Variants in EPHB1 observed in about 807,000 individuals in gnomAD.
EPHB1 encodes the protein EPH receptor B1.
Under a neutral mutation model 94.4 loss-of-function variants are expected in EPHB1, and 30 were observed. The observed-to-expected ratio is 0.32, with a 90% CI of 0.24 to 0.43. The LOEUF is 0.43. EPHB1 is among the 20% of genes least tolerant of loss of function. The pLI, the probability that EPHB1 is intolerant of heterozygous loss-of-function variation, is 1.00. For synonymous variants in EPHB1, 522 were observed against 489.1 expected, an observed-to-expected ratio of 1.07 and a Z score of -0.89; for missense variants, 1,055 against 1,308.3, an observed-to-expected ratio of 0.81 and a Z score of 2.99.
At chr3:135,253,403 A>G (rs1933217501) in intron 15 of EPHB1, among the ~76,000 whole-genome samples, 1 of 148,480 alleles carries the variant, frequency 6.7e-6, no homozygotes, top group South Asian at 2.1e-4. Context: ...GGTGTAAGGA[A>G]GGGATCCAGT....
intron 3 of EPHB1, among the ~76,000 whole-genome samples, chr3:135,066,650 T>C (rs1937584253): frequency 6.6e-6 from 1 of 152,228 alleles, no homozygotes; most frequent in African/African-American, 2.4e-5. Flanking sequence ...CTTTCTCTGG[T>C]GCCTCTTGGA....
chr3:135,158,370 A>G (rs1250221878), intron 6 of EPHB1, among the ~76,000 whole-genome samples: 1 of 152,206 alleles, frequency 6.6e-6, no homozygotes, highest in African/African-American at 2.4e-5. Flanking sequence ...CTTACGGGCC[A>G]TATGGTTTTT....
intron 12 of EPHB1, among the ~76,000 whole-genome samples, chr3:135,209,844 G>T (rs912099965): frequency 6.6e-6 from 1 of 152,180 alleles, no homozygotes; most frequent in Non-Finnish European, 1.5e-5. Context: ...AGAGGCACTA[G>T]TAGAGACAGG....
At chr3:135,060,570 A>C (rs1266436113) in intron 3 of EPHB1, among the ~76,000 whole-genome samples, 1 of 152,200 alleles carries the variant, frequency 6.6e-6, no homozygotes, top group Non-Finnish European at 1.5e-5. Context: ...GTCACATGTG[A>C]ACTCAATGTT....
chr3:134,830,927 C>G (rs902361295), intron 1 of EPHB1, among the ~76,000 whole-genome samples: 1 of 152,162 alleles, frequency 6.6e-6, no homozygotes, highest in Admixed American at 6.5e-5. Context: ...AAGTGGAAAC[C>G]TCAGCAAGGG....
At chr3:134,933,734 T>C (rs36168) in intron 2 of EPHB1, among the ~76,000 whole-genome samples, 83,196 of 152,018 alleles carry the variant, frequency 0.55, 24,641 homozygotes, top group African/African-American at 0.77. Context: ...GCTGGCTCTC[T>C]TGCCAACAAT....
chr3:134,915,295 C>G (rs1055356151), intron 1 of EPHB1, among the ~76,000 whole-genome samples: 2 of 152,168 alleles, frequency 1.3e-5, no homozygotes, highest in African/African-American at 4.8e-5. Flanking sequence ...ATGACGGACC[C>G]CTCATCCAAT....
In EPHB1 at chr3:134,994,986, TTGTGTGTGTG is replaced by T. The variant is rs57873051; in HGVS notation, c.805+42954_805+42963del. The stretch of plus-strand genomic sequence containing the variant: ...CAGATATCACCAGTTTTACATACAC[TTGTGTGTGTG>T]TGTGTGTGTGTGTGTGTGTATTTAG... On this transcript the variant is annotated intron_variant, in intron 3 of 15. Coordinates refer to ENST00000398015, the MANE Select transcript of EPHB1 (RefSeq NM_004441.5). 4.0e-5 allele frequency among the ~76,000 whole-genome samples: 6 copies of T among 148,380 alleles called. No individual in the cohort carries two copies. The South Asian group carries it at 6.5e-4, about 16-fold the overall frequency.
intron 13 of EPHB1, among the ~76,000 whole-genome samples, chr3:135,243,863 G>C (rs1246039147): frequency 6.6e-6 from 1 of 152,176 alleles, no homozygotes; most frequent in African/African-American, 2.4e-5. Flanking sequence ...GATAATGAGA[G>C]TGGCAGTGTC....
intron 2 of EPHB1, among the ~76,000 whole-genome samples, chr3:134,946,374 C>G (rs1046871157): frequency 2.0e-5 from 3 of 152,232 alleles, no homozygotes; most frequent in Non-Finnish European, 4.4e-5. Context: ...CCACCCCCAG[C>G]TTCTTATGGC....
intron 3 of EPHB1, among the ~76,000 whole-genome samples, chr3:135,008,605 CT>C (rs1409261058): frequency 6.6e-6 from 1 of 152,198 alleles, no homozygotes; most frequent in Non-Finnish European, 1.5e-5. Context: ...CCAGCAGTCC[CT>C]TGTGGAATCT....
intron 9 of EPHB1, among the ~76,000 whole-genome samples, chr3:135,169,856 G>A (rs1941755031): frequency 6.6e-6 from 1 of 152,214 alleles, no homozygotes; most frequent in African/African-American, 2.4e-5. Flanking sequence ...TAAGCCGGCT[G>A]CAGAGCCCAT....
intron 3 of EPHB1, among the ~76,000 whole-genome samples, chr3:135,092,873 C>T (rs546612874): frequency 4.6e-5 from 7 of 152,288 alleles, no homozygotes; most frequent in South Asian, 2.1e-4. Context: ...GTGATCTTCC[C>T]GCCTTAGCCT....
chr3:135,105,824 T>C (rs1229279638), intron 3 of EPHB1, among the ~76,000 whole-genome samples: 1 of 152,188 alleles, frequency 6.6e-6, no homozygotes, highest in East Asian at 1.9e-4. Context: ...CAAAATGCAA[T>C]TAAAGGAGAA....
intron 1 of EPHB1, among the ~76,000 whole-genome samples, chr3:134,851,971 T>C (rs1228322834): frequency 6.6e-6 from 1 of 152,208 alleles, no homozygotes; most frequent in Non-Finnish European, 1.5e-5. Flanking sequence ...CCTTCTTTGC[T>C]GAATGTCTGT....
At chr3:135,098,059 T>C (rs1464472524) in intron 3 of EPHB1, among the ~76,000 whole-genome samples, 1 of 152,084 alleles carries the variant, frequency 6.6e-6, no homozygotes, top group African/African-American at 2.4e-5. Flanking sequence ...CTCCCCTTCC[T>C]CTAAAGACCT....
At chr3:135,190,372 A>G (rs1432572433) in intron 10 of EPHB1, among the ~76,000 whole-genome samples, 1 of 152,228 alleles carries the variant, frequency 6.6e-6, no homozygotes, top group East Asian at 1.9e-4. Flanking sequence ...AATAGAGCCC[A>G]TTATTATGAC....
At chr3:135,096,904 T>C (rs1465691891) in intron 3 of EPHB1, among the ~76,000 whole-genome samples, 2 of 152,068 alleles carry the variant, frequency 1.3e-5, no homozygotes, top group Non-Finnish European at 2.9e-5. Context: ...GAGACCATCC[T>C]GGCTAACACG....
intron 3 of EPHB1, among the ~76,000 whole-genome samples, chr3:135,105,149 C>T (rs1202757638): frequency 6.6e-6 from 1 of 152,128 alleles, no homozygotes; most frequent in Non-Finnish European, 1.5e-5. Flanking sequence ...CTGCACTTTC[C>T]AGGAGGGAAC....
Sources: allele counts gnomAD v4.1 joint callset (sites outside exome capture counted in the v4.1 genomes callset), GRCh38; gene constraint gnomAD v4.1.1; transcripts MANE v1.5; gene names NCBI Gene and HGNC (gene_info 2026-07-23, HGNC 2026-07-21).